Variants in SPATA9 observed in about 807,000 individuals in gnomAD.
SPATA9 encodes the protein spermatogenesis associated 9, also known as spermatogenesis-associated protein 9.
SPATA9 carries 27 observed loss-of-function variants against 25.5 expected under a neutral mutation model. The observed-to-expected ratio is 1.06, with a 90% CI of 0.78 to 1.46. The LOEUF (loss-of-function observed/expected upper bound fraction) is 1.46. Among genes scored for constraint, SPATA9 ranks in the 40% most tolerant of loss-of-function variants. The probability of loss-of-function intolerance (pLI) is 0.00; values close to 1 mark genes in which losing one functional copy is unlikely to be tolerated. For synonymous variants in SPATA9, 102 were observed against 105.7 expected, an observed-to-expected ratio of 0.97 and a Z score of 0.21; for missense variants, 282 against 297.5, an observed-to-expected ratio of 0.95 and a Z score of 0.38.
chr5:95,732,088 A>G, the SPATA9 span: 1 of 1,613,238 alleles, frequency 6.2e-7, no homozygotes. Context: ...CGTCTGGGTA[A>G]GGAAGAGCAG....
chr5:95,668,741 C>G (rs1215219068), intron 3 of SPATA9, among the ~76,000 whole-genome samples: 1 of 152,124 alleles, frequency 6.6e-6, no homozygotes, highest in East Asian at 1.9e-4. Context: ...TTTAATTCAA[C>G]TTTTTCCACA....
chr5:95,721,316 A>G, the SPATA9 span, among the ~76,000 whole-genome samples: 1 of 152,214 alleles, frequency 6.6e-6, no homozygotes, highest in South Asian at 2.1e-4. Flanking sequence ...TCACTGAGAA[A>G]GGTCTAAGTG....
the SPATA9 span, among the ~76,000 whole-genome samples, chr5:95,715,293 C>T: frequency 6.8e-6 from 1 of 147,626 alleles, no homozygotes; most frequent in East Asian, 2.0e-4. Context: ...CACTGCACTC[C>T]AGCCTGGGGA....
chr5:95,731,580 CG>C, the SPATA9 span: 2 of 1,543,536 alleles, frequency 1.3e-6, no homozygotes, highest in East Asian at 5.0e-5. Flanking sequence ...GGGACGCGGC[CG>C]GGGATGAGCG....
the SPATA9 span, chr5:95,713,839 TA>T: frequency 6.6e-6 from 1 of 152,056 alleles, no homozygotes; most frequent in East Asian, 1.9e-4. Flanking sequence ...TCTTATCTTC[TA>T]AACAGAAACT....
At chr5:95,664,441 C>A (rs1751564883) in intron 3 of SPATA9, among the ~76,000 whole-genome samples, 1 of 152,144 alleles carries the variant, frequency 6.6e-6, no homozygotes, top group African/African-American at 2.4e-5. Flanking sequence ...AAATAATAAG[C>A]TTTTCCTAGA....
At chr5:95,715,071 A>T in the SPATA9 span, among the ~76,000 whole-genome samples, 7 of 152,150 alleles carry the variant, frequency 4.6e-5, no homozygotes, top group African/African-American at 7.2e-5. Flanking sequence ...AATACCTGTA[A>T]TCCCAGCACT....
At chr5:95,715,108 G>C in the SPATA9 span, among the ~76,000 whole-genome samples, 68 of 152,150 alleles carry the variant, frequency 4.5e-4, no homozygotes, top group Middle Eastern at 3.4e-3. Flanking sequence ...GGCAGTTCAC[G>C]AGGTCAGGAG....
At chr5:95,654,374 AAAATT>A, downstream of SPATA9, 1 of 1,570,188 alleles carries the variant, frequency 6.4e-7, no homozygotes, top group Non-Finnish European at 8.7e-7. Context: ...AGAGGTATGT[AAAATT>A]AAATTTATTT....
intron 1 of SPATA9, among the ~76,000 whole-genome samples, chr5:95,695,850 G>C (rs1319393263): frequency 1.3e-5 from 2 of 152,080 alleles, no homozygotes; most frequent in Non-Finnish European, 2.9e-5. Context: ...TAATTCCCTT[G>C]AATACAGCAG....
downstream of SPATA9, chr5:95,656,370 T>C: frequency 2.2e-6 from 3 of 1,369,134 alleles, no homozygotes; most frequent in Non-Finnish European, 2.0e-6. Context: ...AGAATAACTC[T>C]GCTTCAGTTT....
upstream of SPATA9, among the ~76,000 whole-genome samples, chr5:95,698,891 TA>T (rs757379432): frequency 1.8e-4 from 28 of 151,862 alleles, no homozygotes; most frequent in Non-Finnish European, 3.5e-4. Context: ...ACTCAATTAC[TA>T]AAAAAAAGAC....
chr5:95,675,777 C>A, intron 2 of SPATA9, 138 bp from the exon 3 acceptor site: 1 of 639,580 alleles, frequency 1.6e-6, no homozygotes. Flanking sequence ...ATATTTCTGT[C>A]CCCCCATGAA....
At chr5:95,703,870 G>A in the SPATA9 span, among the ~76,000 whole-genome samples, 1 of 151,906 alleles carries the variant, frequency 6.6e-6, no homozygotes, top group African/African-American at 2.4e-5. Context: ...CAGAGTTTTG[G>A]GTAATTAAAA....
the SPATA9 span, chr5:95,731,766 C>T: frequency 1.1e-5 from 18 of 1,605,658 alleles, no homozygotes; most frequent in Non-Finnish European, 1.4e-5. Flanking sequence ...TGCCCATCCT[C>T]GCCGCGCGCT....
Position 95,695,630 on chromosome 5 carries a change from T to G in SPATA9, n.124+2958A>C, listed in dbSNP as rs531164635. Among the ~76,000 whole-genome samples the G allele has an allele frequency of 2.0e-5, 3 of 152,266 alleles. No homozygotes were observed. In the South Asian group the frequency reaches 6.2e-4, roughly 32 times the overall value. Reference sequence around the variant, plus strand: ...AACAAACAAACAAACACATTTACACTCTTATATATTGTTGAGAACTCCCTA... The same window carrying G: ...AACAAACAAACAAACACATTTACACGCTTATATATTGTTGAGAACTCCCTA... On this transcript the variant is annotated intron_variant and non_coding_transcript_variant, in intron 1 of 2. Coordinates refer to the SPATA9 transcript ENST00000379990.
At chr5:95,686,984 C>A (rs73149643), upstream of SPATA9, among the ~76,000 whole-genome samples, 426 of 152,276 alleles carry the variant, frequency 2.8e-3, no homozygotes, top group African/African-American at 9.9e-3. Context: ...AAGAGGCATT[C>A]TCTCGGACTT....
intron 3 of SPATA9, chr5:95,670,271 C>G (rs199614430): frequency 6.6e-6 from 1 of 152,142 alleles, no homozygotes; most frequent in East Asian, 1.9e-4. Context: ...CTCCCCATGT[C>G]GAAGAGCTGA....
chr5:95,685,250 A>G (rs1376681258), upstream of SPATA9, among the ~76,000 whole-genome samples: 4 of 152,228 alleles, frequency 2.6e-5, no homozygotes, highest in East Asian at 7.7e-4. Context: ...GGTAAAACTC[A>G]ATGCTGGGCT....
Sources: allele counts gnomAD v4.1 joint callset (sites outside exome capture counted in the v4.1 genomes callset), GRCh38; gene constraint gnomAD v4.1.1; transcripts MANE v1.5; gene names NCBI Gene and HGNC (gene_info 2026-07-23, HGNC 2026-07-21).